The following PRP4K variants were observed in gnomAD, a reference collection of about 807,000 sequenced individuals.
The protein encoded by PRP4K is serine/threonine-protein kinase PRP4 homolog.
At chr6:4,024,054 A>G in the PRP4K span, among the ~76,000 whole-genome samples, 6 of 152,092 alleles carry the variant, frequency 3.9e-5, no homozygotes, top group Non-Finnish European at 7.4e-5. Context: ...TTTAGTAGAG[A>G]TGGGGTTTCA....
the PRP4K span, among the ~76,000 whole-genome samples, chr6:4,051,328 TTTGA>T: frequency 6.6e-6 from 1 of 152,044 alleles, no homozygotes; most frequent in South Asian, 2.1e-4. Context: ...TGTTTGTTTG[TTTGA>T]GATGGAGTTT....
the PRP4K span, among the ~76,000 whole-genome samples, chr6:4,044,843 TG>T: frequency 7.4e-6 from 1 of 134,698 alleles, no homozygotes; most frequent in Non-Finnish European, 1.6e-5. Flanking sequence ...AGACAATATA[TG>T]GTTATTATTA....
the PRP4K span, among the ~76,000 whole-genome samples, chr6:4,022,969 A>G: frequency 1.3e-5 from 2 of 152,378 alleles, no homozygotes; most frequent in African/African-American, 2.4e-5. Flanking sequence ...TTCAAATAAT[A>G]TTAGACTTAA....
the PRP4K span, chr6:4,052,139 T>A: frequency 7.3e-6 from 11 of 1,508,008 alleles, no homozygotes; most frequent in African/African-American, 1.6e-4. Flanking sequence ...TTTAACTTCT[T>A]CATCTTTACG....
At chr6:4,057,313 T>C in the PRP4K span, 5 of 935,480 alleles carry the variant, frequency 5.3e-6, no homozygotes, top group Non-Finnish European at 6.4e-6. Context: ...ATGGCTATCA[T>C]GATTTCTTAG....
the PRP4K span, chr6:4,032,697 A>G: frequency 1.9e-6 from 3 of 1,599,150 alleles, no homozygotes; most frequent in Non-Finnish European, 2.5e-6. Flanking sequence ...AAGAGCCAAG[A>G]GCCGATCCTT....
chr6:4,033,998 A>G, the PRP4K span, among the ~76,000 whole-genome samples: 1 of 131,548 alleles, frequency 7.6e-6, no homozygotes, highest in South Asian at 2.3e-4. Flanking sequence ...AAACAAAAAT[A>G]TTTTTTTAAA....
the PRP4K span, among the ~76,000 whole-genome samples, chr6:4,041,462 A>G: frequency 6.6e-6 from 1 of 152,176 alleles, no homozygotes; most frequent in East Asian, 1.9e-4. Flanking sequence ...CTGAGGTGGG[A>G]GGATCACTTG....
the PRP4K span, among the ~76,000 whole-genome samples, chr6:4,046,550 C>A: frequency 3.6e-4 from 55 of 151,888 alleles, 1 homozygote; most frequent in Non-Finnish European, 3.7e-4. Context: ...ATTTAAGGTG[C>A]AAATAACATG....
the PRP4K span, chr6:4,049,781 C>T: frequency 1.2e-6 from 2 of 1,613,604 alleles, no homozygotes; most frequent in Non-Finnish European, 8.5e-7. Flanking sequence ...TGTATGGCTA[C>T]ACTGGGCAAG....
At chr6:4,060,861 TG>T in the PRP4K span, 1 of 478,742 alleles carries the variant, frequency 2.1e-6, no homozygotes, top group Non-Finnish European at 3.7e-6. The surrounding 1 kb of genome is among the most constrained non-coding windows in gnomAD (Gnocchi z 4.7). Flanking sequence ...ACAGTGCTAA[TG>T]TATATGGTTG....
the PRP4K span, among the ~76,000 whole-genome samples, chr6:4,023,849 G>A: frequency 6.6e-6 from 1 of 150,936 alleles, no homozygotes; most frequent in African/African-American, 2.4e-5. Context: ...GGGACCACAG[G>A]CATATGACAC....
chr6:4,035,651 C>G, the PRP4K span, among the ~76,000 whole-genome samples: 7 of 151,998 alleles, frequency 4.6e-5, no homozygotes, highest in African/African-American at 1.7e-4. Context: ...ACATGCAAGG[C>G]AGGTTGTGTT....
the PRP4K span, chr6:4,049,466 G>T: frequency 2.1e-6 from 1 of 476,856 alleles, no homozygotes; most frequent in Non-Finnish European, 3.7e-6. Context: ...TTTGTCATGC[G>T]GGACTACAAT....
chr6:4,023,872 A>ATTT, the PRP4K span, among the ~76,000 whole-genome samples: 1 of 146,426 alleles, frequency 6.8e-6, no homozygotes, highest in Non-Finnish European at 1.5e-5. Flanking sequence ...TGCCCAGCTA[A>ATTT]TTTTTTTTTT....
chr6:4,047,435 A>G, the PRP4K span, among the ~76,000 whole-genome samples: 2 of 152,248 alleles, frequency 1.3e-5, no homozygotes, highest in African/African-American at 4.8e-5. Flanking sequence ...AAATTTTAAG[A>G]CAGGTATGGC....
chr6:4,034,157 A>AT, the PRP4K span, among the ~76,000 whole-genome samples: 304 of 150,336 alleles, frequency 2.0e-3, no homozygotes, highest in African/African-American at 6.5e-3. Flanking sequence ...ATATAAGGGA[A>AT]TTTTTTTTTT....
At chr6:4,038,461 T>C in the PRP4K span, among the ~76,000 whole-genome samples, 2 of 150,538 alleles carry the variant, frequency 1.3e-5, no homozygotes, top group Admixed American at 6.6e-5. Context: ...TTTTTTTTTT[T>C]GTATTTTTCT....
chr6:4,058,187 T>C, the PRP4K span, among the ~76,000 whole-genome samples: 1 of 152,208 alleles, frequency 6.6e-6, no homozygotes, highest in Non-Finnish European at 1.5e-5. Flanking sequence ...ATTTATTTAA[T>C]AATTTTTTTG....
Sources: gnomAD v4.1 joint callset for allele counts (sites outside exome capture counted in the v4.1 genomes callset) on GRCh38, gnomAD v4.1.1 for gene constraint, Gnocchi (gnomAD v3.1) non-coding constraint, MANE v1.5 for transcripts, NCBI Gene and HGNC (gene_info 2026-07-23, HGNC 2026-07-21) for gene names.